FGFR4: variants seen among roughly 807,000 people sequenced by gnomAD.
FGFR4 encodes the protein fibroblast growth factor receptor 4.
In FGFR4, 63 loss-of-function variants were observed where a neutral mutation model predicts 89.9. The observed-to-expected ratio is 0.70, with a 90% CI of 0.57 to 0.86. The LOEUF (loss-of-function observed/expected upper bound fraction) is 0.86, where lower values mean the gene tolerates loss of function less well. Among genes scored for constraint, FGFR4 ranks in the 40% least tolerant of loss-of-function variants. The probability of loss-of-function intolerance (pLI) is 0.00; values close to 1 mark genes in which losing one functional copy is unlikely to be tolerated. For synonymous variants in FGFR4, 486 were observed against 479.4 expected, an observed-to-expected ratio of 1.01 and a Z score of -0.18; for missense variants, 928 against 1,106.7, an observed-to-expected ratio of 0.84 and a Z score of 2.29.
rs747086118 is a variant in FGFR4, at chr5:177,097,392, G to C, written c.2254G>C (p.Glu752Gln). 14 of 1,611,538 alleles carry C rather than the reference G, an allele frequency of 8.7e-6. No individual in the cohort carries two copies. Among genetic ancestry groups the C allele is most frequent in the Non-Finnish European group, 1.2e-5 (14 of 1,179,014 alleles). ...ALDKVLLAVSEEYLDLRLTFG... is the reference protein window; with the variant it reads ...ALDKVLLAVSQEYLDLRLTFG... The stretch of plus-strand genomic sequence containing the variant: ...GGACAAGGTCCTGCTGGCCGTCTCT[G>C]AGGAGGTACAGCCCCTCCCACCCAC... Residue 752 changes from glutamate to glutamine, a missense_variant, in exon 17 of 18, where the codon GAG (glutamate) becomes CAG (glutamine). By Grantham distance (29) the Glu-to-Gln change is conservative (BLOSUM62 2). This residue lies in a region of FGFR4 where 129 missense variants were observed against 150.8 expected (regional missense o/e 0.86). Transcript: ENST00000292408.
Position 177,095,656 on chromosome 5 carries a change from C to T in FGFR4, c.1754C>T (p.Ser585Phe), listed in dbSNP as rs377345475. The T allele has an allele frequency of 2.5e-6, 4 of 1,608,306 alleles. No homozygotes were observed. Among genetic ancestry groups the T allele is most frequent in the Non-Finnish European group, 3.4e-6 (4 of 1,178,602 alleles). The change falls in exon 13 of 18, where the codon TCC becomes TTC. Residue 585 changes from serine to phenylalanine, a missense_variant. Ser to Phe is a radical substitution (Grantham distance 155). Transcript: ENST00000292408. This position sits in a 1 kb window ranked among gnomAD's most constrained non-coding sequence, Gnocchi z 5.7. ...CCTCGGAGCAGTGAGGGGCCGCTCT[C>T]CTTCCCAGTCCTGGTCTCCTGCGCC... ...DGPRSSEGPL[S>F]FPVLVSCAYQ...
At position 177,090,658 on chromosome 5, in the gene FGFR4, G is replaced by A. The variant is rs1312834165; in HGVS notation, c.355+5G>A. On this transcript the variant is annotated splice_donor_5th_base_variant and intron_variant, in intron 3 of 17. Transcript: ENST00000292408. The stretch of plus-strand genomic sequence containing the variant: ...ATCTCACCTTGATTACAGGTGGTAA[G>A]AGACTCTAGCAGGGAGTGAAGGGAT... 6.6e-7 allele frequency: 1 copy of A among 1,525,562 alleles called. No individual in the cohort carries two copies. The highest frequency in any genetic ancestry group is 8.8e-7 in the Non-Finnish European group (1 of 1,138,062). 94.5% of individuals were successfully genotyped at this position (1,525,562 alleles called of 1,614,324 possible). A position where few individuals can be genotyped will look rare whatever the true frequency, so the allele number is the denominator to read the frequency against.
rs2149732329 is a variant in FGFR4 at position 177,091,100 on chromosome 5, T to C, written c.599T>C (p.Ile200Thr). ...AFHGENRIGG[I>T]RLRHQHWSLV... ...CATGGGGAGAACCGCATTGGAGGCA[T>C]TCGGGTGAGTCTCTGGGTTCCAAGA... The change falls in exon 5 of 18, where the codon ATT (isoleucine) becomes ACT (threonine). Residue 200 changes from isoleucine (I) to threonine (T), a missense_variant. This residue lies in a region of FGFR4 where 741 missense variants were observed against 836.9 expected (regional missense o/e 0.89). Transcript: ENST00000292408. 6.4e-7 allele frequency: 1 copy of C among 1,573,452 alleles called. No homozygotes were observed. The highest frequency in any genetic ancestry group is 8.7e-7 in the Non-Finnish European group (1 of 1,152,348).
rs1278508835 is a variant in FGFR4, at chr5:177,095,549, C to T, written c.1647C>T (p.Ile549=). ...CCTCTGCAGGGCCCCTGTACGTGATCGTGGAGTGCGCCGCCAAGGGAAACC... is the reference window on the plus strand; with the variant it reads ...CCTCTGCAGGGCCCCTGTACGTGATTGTGGAGTGCGCCGCCAAGGGAAACC... ...VCTQEGPLYV[I]VECAAKGNLR... The change falls in exon 13 of 18, where the codon ATC becomes ATT. Residue 549 remains isoleucine, a synonymous_variant. Transcript: ENST00000292408. This position sits in a 1 kb window ranked among gnomAD's most constrained non-coding sequence, Gnocchi z 5.7. The T allele has an allele frequency of 3.7e-6, 6 of 1,610,148 alleles. No individual in the cohort carries two copies. The South Asian group carries it at 4.4e-5, about 12-fold the overall frequency.
At position 177,097,755 on chromosome 5, in the gene FGFR4, G is replaced by C; in HGVS notation, c.*79G>C. 2 of 1,526,586 alleles carry C rather than the reference G, an allele frequency of 1.3e-6. No homozygotes were observed. The highest frequency in any genetic ancestry group is 1.4e-5 in the African/African-American group (1 of 72,694). The allele number at this position is 1,526,586 out of a possible 1,614,324, so 94.6% of individuals were successfully genotyped here. On this transcript the variant is annotated 3_prime_UTR_variant, in exon 18 of 18. Coordinates refer to ENST00000292408, the MANE Select transcript of FGFR4 (RefSeq NM_213647.3). ...TCAGCCACAGCCTGACACAGTGCTC[G>C]ACCTTGATAGCATGGGGCCCCTGGC... is the stretch of plus-strand genomic sequence containing the variant.
chr5:177,092,493 C>T lies in FGFR4; in HGVS notation c.900C>T (p.Pro300=), dbSNP rs1462512451. The change falls in exon 7 of 18, where the codon CCC becomes CCT. Residue 300 remains proline (P), a synonymous_variant. Transcript: ENST00000292408. ...GCAGCTTCGGAGCCGACGGTTTCCC[C>T]TATGTGCAAGTCCTAAAGGTAAAAG... ...NGSSFGADGF[P]YVQVLKTADI... 2 of 1,589,456 alleles carry T rather than the reference C, an allele frequency of 1.3e-6. No homozygotes were observed. The highest frequency in any genetic ancestry group is 1.7e-6 in the Non-Finnish European group (2 of 1,167,468).
intron 16 of FGFR4, 39 bp from the exon 17 acceptor site, chr5:177,097,253 C>T: frequency 6.6e-7 from 1 of 1,516,214 alleles, no homozygotes; most frequent in South Asian, 1.2e-5. Context: ...CTCCTGAAGG[C>T]CTGAGGCTCC....
Position 177,090,433 on chromosome 5 carries a change from G to T in FGFR4, c.135G>T (p.Leu45=). Residue 45 remains leucine, a synonymous_variant, in exon 3 of 18, where the codon CTG becomes CTT. Coordinates refer to ENST00000292408, the MANE Select transcript of FGFR4 (RefSeq NM_213647.3). ...GCCTGGAGCAGCAAGAGCAGGAGCT[G>T]ACAGTAGCCCTTGGGCAGCCTGTGC... ...APSLEQQEQE[L]TVALGQPVRL... The T allele has an allele frequency of 6.2e-7, 1 of 1,605,694 alleles. No individual in the cohort carries two copies.
At position 177,096,603 on chromosome 5, in the gene FGFR4, G is replaced by C; in HGVS notation, c.2016-1G>C. 6.2e-7 allele frequency: 1 copy of C among 1,613,612 alleles called. No homozygotes were observed. On this transcript the variant is annotated splice_acceptor_variant, in intron 15 of 17. Coordinates refer to ENST00000292408, the MANE Select transcript of FGFR4 (RefSeq NM_213647.3). LOFTEE classifies it high-confidence loss of function. ...ACACTGAGCCCTGGCCCTACCTCCA[G>C]GTGGTCTTTTGGGATCCTGCTATGG... is the stretch of plus-strand genomic sequence containing the variant.
intron 8 of FGFR4, 128 bp downstream of exon 8, chr5:177,092,912 T>C (rs1276561585): frequency 1.3e-6 from 2 of 1,486,678 alleles, no homozygotes; most frequent in East Asian, 2.4e-5. Flanking sequence ...TGTGTGGATT[T>C]GTGGGTTTGA....
In FGFR4 at chr5:177,095,479, G is replaced by C. The variant is rs369760269; in HGVS notation, c.1630+39G>C. The C allele has an allele frequency of 6.2e-7, 1 of 1,613,716 alleles. No homozygotes were observed. The highest frequency in any genetic ancestry group is 1.3e-5 in the African/African-American group (1 of 75,032). The stretch of plus-strand genomic sequence containing the variant: ...GGGGCTGGCTGCACGGGCCGTTAGG[G>C]TGCAGAGCCAAAGCTTTGGCAGCCT... On this transcript the variant is annotated intron_variant, in intron 12 of 17. Transcript: ENST00000292408. This position sits in a 1 kb window ranked among gnomAD's most constrained non-coding sequence, Gnocchi z 5.7.
Position 177,093,461 on chromosome 5 carries a change from T to C in FGFR4, c.1307T>C (p.Val436Ala). ...GKSSSSLVRG[V>A]RLSSSGPALL... Reference sequence around the variant, plus strand: ...TCAAGCTCATCCCTGGTACGAGGCGTGCGTCTCTCCTCCAGCGGCCCCGCC... The same window carrying C: ...TCAAGCTCATCCCTGGTACGAGGCGCGCGTCTCTCCTCCAGCGGCCCCGCC... The change falls in exon 10 of 18, where the codon GTG becomes GCG. Residue 436 changes from valine to alanine, a missense_variant. Val to Ala is a moderately conservative substitution (Grantham distance 64). This residue lies in a region of FGFR4 where 741 missense variants were observed against 836.9 expected (regional missense o/e 0.89). Coordinates refer to ENST00000292408, the MANE Select transcript of FGFR4 (RefSeq NM_213647.3). The surrounding 1 kb of genome is among the most constrained non-coding windows in gnomAD (Gnocchi z 5.8). The C allele has an allele frequency of 6.2e-7, 1 of 1,614,036 alleles. No homozygotes were observed. Among genetic ancestry groups the C allele is most frequent in the South Asian group, 1.1e-5 (1 of 91,090 alleles).
chr5:177,097,364 G>A lies in FGFR4; in HGVS notation c.2226G>A (p.Ala742=), dbSNP rs546993062. ...CTACCTTCAAGCAGCTGGTGGAGGC[G>A]CTGGACAAGGTCCTGCTGGCCGTCT... The part of the protein sequence containing the change: ...QRPTFKQLVE[A]LDKVLLAVSE... The change falls in exon 17 of 18, where the codon GCG becomes GCA. Residue 742 remains alanine (A), a synonymous_variant. Coordinates refer to ENST00000292408, the MANE Select transcript of FGFR4 (RefSeq NM_213647.3). The A allele has an allele frequency of 1.4e-5, 22 of 1,611,972 alleles. No homozygotes were observed. Among genetic ancestry groups the A allele is most frequent in the East Asian group, 6.7e-5 (3 of 44,702 alleles).
At position 177,093,206 on chromosome 5, in the gene FGFR4, G is replaced by A. The variant is rs1784429949; in HGVS notation, c.1126G>A (p.Gly376Ser). 6.2e-7 allele frequency: 1 copy of A among 1,612,884 alleles called. No individual in the cohort carries two copies. Among genetic ancestry groups the A allele is most frequent in the Non-Finnish European group, 8.5e-7 (1 of 1,179,072 alleles). The change falls in exon 9 of 18, where the codon GGC becomes AGC. Residue 376 changes from glycine (G) to serine (S), a missense_variant. Transcript: ENST00000292408. The surrounding 1 kb of genome is among the most constrained non-coding windows in gnomAD (Gnocchi z 5.8). ...RYTDIILYAS[G>S]SLALAVLLLL... Reference sequence around the variant, plus strand: ...TACGGACATCATCCTGTACGCGTCGGGCTCCCTGGCCTTGGCTGTGCTCCT... The same window carrying A: ...TACGGACATCATCCTGTACGCGTCGAGCTCCCTGGCCTTGGCTGTGCTCCT...
At position 177,093,543 on chromosome 5, in the gene FGFR4, C is replaced by G. The variant is rs1473432854; in HGVS notation, c.1389C>G (p.Pro463=). Residue 463 remains proline (P), a synonymous_variant, in exon 10 of 18, where the codon CCC becomes CCG. Transcript: ENST00000292408. The surrounding 1 kb of genome is among the most constrained non-coding windows in gnomAD (Gnocchi z 5.8). ...DLPLDPLWEF[P]RDRLVLGKPL... is the part of the protein sequence containing the mutation. ...CTCTCGACCCACTATGGGAGTTCCC[C>G]CGGGACAGGTGCGCTGAGCTGTGTG... is the stretch of plus-strand genomic sequence containing the variant. 4 of 1,613,600 alleles carry G rather than the reference C, an allele frequency of 2.5e-6. No individual in the cohort carries two copies. In the East Asian group the frequency reaches 6.7e-5, roughly 27 times the overall value.
rs763175417 is a variant in FGFR4, at chr5:177,093,349, C to CA, written c.1251+19dup. ...CCCGACAGGTACTGGGCGCATCCCC[C>CA]ACCTCACATGTGACAGCCTGACTCC... On this transcript the variant is annotated intron_variant, in intron 9 of 17. Transcript: ENST00000292408. The surrounding 1 kb of genome is among the most constrained non-coding windows in gnomAD (Gnocchi z 5.8). 2.0e-5 allele frequency: 32 copies of CA among 1,614,062 alleles called. No homozygotes were observed. Among genetic ancestry groups the CA allele is most frequent in the Non-Finnish European group, 2.7e-5 (32 of 1,179,944 alleles).
chr5:177,090,552 G>A lies in FGFR4; in HGVS notation c.254G>A (p.Arg85His), dbSNP rs149419025. 26 of 1,528,114 alleles carry A rather than the reference G, an allele frequency of 1.7e-5. No homozygotes were observed. Among genetic ancestry groups the A allele is most frequent in the East Asian group, 6.8e-5 (3 of 44,206 alleles). The allele number at this position is 1,528,114 out of a possible 1,614,324, so 94.7% of individuals were successfully genotyped here. ...PAGRVRGWRG[R>H]LEIASFLPED... ...GGCCGTGTACGGGGCTGGAGGGGCC[G>A]CCTAGAGATTGCCAGCTTCCTACCT... is the stretch of plus-strand genomic sequence containing the variant. The change falls in exon 3 of 18, where the codon CGC becomes CAC. Residue 85 changes from arginine (R) to histidine (H), a missense_variant. Arg to His is a conservative substitution (Grantham distance 29). Around this residue, in one of 5 missense-constraint regions of FGFR4, gnomAD observed 741 missense variants for 836.9 expected, o/e 0.89. Coordinates refer to ENST00000292408, the MANE Select transcript of FGFR4 (RefSeq NM_213647.3).
At position 177,090,781 on chromosome 5, in the gene FGFR4, A is replaced by C; in HGVS notation, c.392A>C (p.Lys131Thr). 1 of 1,613,202 alleles carries C rather than the reference A, an allele frequency of 6.2e-7. No individual in the cohort carries two copies. Among genetic ancestry groups the C allele is most frequent in the East Asian group, 2.2e-5 (1 of 44,862 alleles). ...TCCAGCAACGATGATGAGGACCCCA[A>C]GTCCCATAGGGACCCCTCGAATAGG... ...LTSSNDDEDP[K>T]SHRDPSNRHS... Residue 131 changes from lysine to threonine, a missense_variant, in exon 4 of 18, where the codon AAG (lysine) becomes ACG (threonine). Around this residue, in one of 5 missense-constraint regions of FGFR4, gnomAD observed 741 missense variants for 836.9 expected, o/e 0.89. Coordinates refer to ENST00000292408, the MANE Select transcript of FGFR4 (RefSeq NM_213647.3).
intron 16 of FGFR4, 155 bp from the exon 17 acceptor site, chr5:177,097,137 G>C: frequency 2.0e-6 from 1 of 510,920 alleles, no homozygotes; most frequent in Non-Finnish European, 3.4e-6. Flanking sequence ...CTCCTCCTCA[G>C]CCTAGTGGAG....
Sources: allele counts gnomAD v4.1 joint callset, GRCh38; gene constraint gnomAD v4.1.1; regional missense constraint gnomAD v4.1.1; non-coding constraint Gnocchi (gnomAD v3.1); transcripts MANE v1.5; gene names NCBI Gene and HGNC (gene_info 2026-07-23, HGNC 2026-07-21).